Variants in PTK2 observed in about 807,000 individuals in gnomAD.
PTK2 encodes protein tyrosine kinase 2.
In PTK2, 45 loss-of-function variants were observed where a neutral mutation model predicts 150.1. The observed-to-expected ratio is 0.30, with a 90% CI of 0.24 to 0.38. PTK2 has a LOEUF of 0.38. PTK2 is among the 10% of genes least tolerant of loss of function. The pLI is 1.00. For synonymous variants in PTK2, 432 were observed against 449.2 expected (o/e 0.96, Z 0.48); for missense variants, 919 against 1,307.3 (o/e 0.70, Z 4.58).
intron 11 of PTK2, among the ~76,000 whole-genome samples, chr8:140,802,666 A>G (rs1460586518): frequency 2.0e-5 from 3 of 152,210 alleles, no homozygotes; most frequent in Non-Finnish European, 2.9e-5. Flanking sequence ...GGCTCTATGC[A>G]GGTGTAACAT....
At chr8:140,909,261 T>G (rs2100162138) in intron 2 of PTK2, 1 of 154,246 alleles carries the variant, frequency 6.5e-6, no homozygotes, top group South Asian at 2.0e-4. Context: ...CAACAGCATT[T>G]CAACTCTTAT....
At chr8:140,961,998 A>C (rs1054645738) in intron 1 of PTK2, among the ~76,000 whole-genome samples, 1 of 152,050 alleles carries the variant, frequency 6.6e-6, no homozygotes, top group Admixed American at 6.5e-5. Context: ...TCATGCCTGT[A>C]ATCCCAGGCA....
intron 10 of PTK2, among the ~76,000 whole-genome samples, chr8:140,806,308 C>T (rs1252693659): frequency 6.6e-6 from 1 of 152,150 alleles, no homozygotes; most frequent in Admixed American, 6.5e-5. Flanking sequence ...GAGAATGACA[C>T]CACCAAGGGC....
chr8:140,892,045 A>G (rs1285373386), intron 2 of PTK2, among the ~76,000 whole-genome samples: 1 of 152,066 alleles, frequency 6.6e-6, no homozygotes, highest in Non-Finnish European at 1.5e-5. Context: ...GTCTCTACTA[A>G]AAAATACAAA....
intron 1 of PTK2, among the ~76,000 whole-genome samples, chr8:140,981,306 C>T (rs954382905): frequency 5.3e-5 from 8 of 151,712 alleles, no homozygotes; most frequent in Admixed American, 6.6e-5. Flanking sequence ...AAACACTGAG[C>T]GGGGCCAAGG....
Position 140,963,782 on chromosome 8 carries a change from C to A in PTK2, c.-122+37343G>T, listed in dbSNP as rs117877810. 2.0e-5 allele frequency among the ~76,000 whole-genome samples: 3 copies of A among 152,146 alleles called. No homozygotes were observed. The East Asian group carries it at 5.8e-4, about 29-fold the overall frequency. ...TCAAAGCATACCTTCTAAGCCTTTA[C>A]CTCTTCCTCCTCAAAATATTTCTCA... On this transcript the variant is annotated intron_variant, in intron 1 of 31. Coordinates refer to ENST00000522684, the Ensembl canonical transcript of PTK2.
At chr8:140,780,097 C>A (rs79896268) in intron 14 of PTK2, among the ~76,000 whole-genome samples, 1 of 152,080 alleles carries the variant, frequency 6.6e-6, no homozygotes, top group African/African-American at 2.4e-5. Flanking sequence ...AAAGGCAGTT[C>A]CTGTCTTCCC....
intron 15 of PTK2, among the ~76,000 whole-genome samples, chr8:140,761,532 A>C (rs566445642): frequency 1.3e-5 from 2 of 152,134 alleles, no homozygotes; most frequent in Non-Finnish European, 2.9e-5. Flanking sequence ...TAAATTTCCG[A>C]TTTATTTTAT....
At chr8:140,743,396 T>C (rs2100056815) in intron 19 of PTK2, 66 bp from the exon 23 acceptor site, 1 of 1,309,422 alleles carries the variant, frequency 7.6e-7, no homozygotes. Flanking sequence ...AGCTCATATA[T>C]AAAGACATAC....
At chr8:140,664,407 C>T (rs1042296691) in intron 31 of PTK2, among the ~76,000 whole-genome samples, 9 of 152,326 alleles carry the variant, frequency 5.9e-5, no homozygotes, top group African/African-American at 1.2e-4. Flanking sequence ...GTTGGGATTA[C>T]GGGCGTGAGC....
chr8:140,773,473 G>A (rs934756009), intron 14 of PTK2, among the ~76,000 whole-genome samples: 12 of 152,190 alleles, frequency 7.9e-5, no homozygotes, highest in Admixed American at 7.9e-4. Context: ...TTTTAAATAT[G>A]GTGATTATGG....
chr8:140,809,178 G>C (rs906182148), intron 10 of PTK2, among the ~76,000 whole-genome samples: 1 of 152,094 alleles, frequency 6.6e-6, no homozygotes, highest in Non-Finnish European at 1.5e-5. Context: ...GCACTTAAAA[G>C]GGAAGAGCAC....
intron 4 of PTK2, among the ~76,000 whole-genome samples, chr8:140,877,256 A>T (rs1331979540): frequency 6.6e-6 from 1 of 151,112 alleles, no homozygotes; most frequent in Non-Finnish European, 1.5e-5. Context: ...CTGGTCTCGA[A>T]CTCCTGAACT....
intron 10 of PTK2, among the ~76,000 whole-genome samples, chr8:140,813,713 T>G (rs1271883539): frequency 6.6e-6 from 1 of 151,884 alleles, no homozygotes; most frequent in Non-Finnish European, 1.5e-5. Context: ...TTTAACAACT[T>G]AAGATCACAA....
At chr8:140,759,530 T>TAAAAAAAAAAAAAAA (rs761643170) in intron 16 of PTK2, among the ~76,000 whole-genome samples, 6 of 58,072 alleles carry the variant, frequency 1.0e-4, no homozygotes, top group East Asian at 5.3e-4. Context: ...GACCCTGTCC[T>TAAAAAAAAAAAAAAA]AAAAAAAAAA....
chr8:140,754,314 CAT>C (rs1329519720), intron 16 of PTK2, among the ~76,000 whole-genome samples: 2 of 152,210 alleles, frequency 1.3e-5, no homozygotes, highest in Non-Finnish European at 2.9e-5. Context: ...ACCTTAGAAT[CAT>C]TAACCGTATC....
chr8:140,728,530 T>C (rs1020676323), intron 22 of PTK2, among the ~76,000 whole-genome samples: 9 of 152,164 alleles, frequency 5.9e-5, no homozygotes, highest in Middle Eastern at 3.2e-3. Flanking sequence ...ATTTATATGT[T>C]TGTTTGAGAC....
intron 15 of PTK2, 74 bp downstream of exon 17, chr8:140,764,156 CAGTA>C (rs765498792): frequency 3.4e-6 from 4 of 1,166,484 alleles, no homozygotes; most frequent in Admixed American, 3.4e-5. Flanking sequence ...TCTAAAAAGA[CAGTA>C]AGTATCAATA....
rs115578256 is a variant in PTK2 at position 140,675,307 on chromosome 8, A to C, written c.2602+153T>G. On this transcript the variant is annotated intron_variant, in intron 28 of 31. Transcript: ENST00000522684. ...AATTCTTTTTCCCAATACTCTAGTA[A>C]TGAGCTGAATGTGGTAAACATCGTA... 869 of 778,238 alleles carry C rather than the reference A, an allele frequency of 1.1e-3. 6 individuals are homozygous for C. The African/African-American group carries it at 0.014, about 12-fold the overall frequency. 48.2% of individuals were successfully genotyped at this position (778,238 alleles called of 1,614,324 possible). A position where few individuals can be genotyped will look rare whatever the true frequency, so the allele number is the denominator to read the frequency against.
Sources: allele counts gnomAD v4.1 joint callset (sites outside exome capture counted in the v4.1 genomes callset), GRCh38; gene constraint gnomAD v4.1.1; transcripts MANE v1.5; gene names NCBI Gene and HGNC (gene_info 2026-07-23, HGNC 2026-07-21).